RSRC1: variants seen among roughly 807,000 people sequenced by gnomAD.
RSRC1 encodes the protein serine/Arginine-related protein 53.
RSRC1 carries 39 observed loss-of-function variants against 49.1 expected under a neutral mutation model. The ratio of observed to expected loss-of-function variants is 0.79; its 90% CI spans 0.61 to 1.04. The LOEUF is 1.04. RSRC1 is among the 50% of genes least tolerant of loss of function. RSRC1 has a pLI of 0.00. For missense variants in RSRC1, 388 were observed against 402.4 expected, an observed-to-expected ratio of 0.96 and a Z score of 0.31; for synonymous variants, 143 against 130.8, an observed-to-expected ratio of 1.09 and a Z score of -0.63.
At chr3:158,326,227 C>T (rs1447800046) in intron 5 of RSRC1, among the ~76,000 whole-genome samples, 5 of 152,308 alleles carry the variant, frequency 3.3e-5, no homozygotes, top group Admixed American at 2.0e-4. Context: ...TTATTCCTTT[C>T]TCCTGCCTGA....
intron 5 of RSRC1, among the ~76,000 whole-genome samples, chr3:158,299,116 A>T (rs1727390979): frequency 6.6e-6 from 1 of 152,146 alleles, no homozygotes; most frequent in Non-Finnish European, 1.5e-5. Flanking sequence ...ATCAGAAGTT[A>T]GTAAATAACA....
chr3:158,262,564 C>T (rs1724961861), intron 4 of RSRC1, among the ~76,000 whole-genome samples: 1 of 152,110 alleles, frequency 6.6e-6, no homozygotes, highest in Non-Finnish European at 1.5e-5. Context: ...TATTACTACA[C>T]AAATTTTATA....
intron 4 of RSRC1, among the ~76,000 whole-genome samples, chr3:158,213,701 A>G (rs896103440): frequency 2.6e-5 from 4 of 151,948 alleles, no homozygotes; most frequent in Admixed American, 6.6e-5. Flanking sequence ...ATGAAAATCA[A>G]TTTGGTTGTC....
intron 7 of RSRC1, among the ~76,000 whole-genome samples, chr3:158,497,296 G>A (rs1171934549): frequency 6.8e-6 from 1 of 145,992 alleles, no homozygotes; most frequent in Non-Finnish European, 1.5e-5. Flanking sequence ...GTGGTATTTC[G>A]TTACATGAGT....
At chr3:158,538,466 A>G (rs1412290067) in intron 8 of RSRC1, among the ~76,000 whole-genome samples, 1 of 151,828 alleles carries the variant, frequency 6.6e-6, no homozygotes, top group Non-Finnish European at 1.5e-5. Flanking sequence ...ATATATCCTA[A>G]TGGAATTACT....
At chr3:158,157,795 A>T (rs535341747) in intron 3 of RSRC1, among the ~76,000 whole-genome samples, 2 of 152,200 alleles carry the variant, frequency 1.3e-5, no homozygotes, top group South Asian at 4.1e-4. Flanking sequence ...CATGCCTGTA[A>T]TCCCAGCTAC....
At chr3:158,276,032 C>T in intron 4 of RSRC1, 1 of 840,924 alleles carries the variant, frequency 1.2e-6, no homozygotes, top group Non-Finnish European at 2.0e-6. Context: ...AGGATAGCCT[C>T]AAAAAATTTC....
At chr3:158,259,914 A>T (rs1346383193) in intron 4 of RSRC1, among the ~76,000 whole-genome samples, 1 of 151,974 alleles carries the variant, frequency 6.6e-6, no homozygotes, top group Non-Finnish European at 1.5e-5. Flanking sequence ...CCCAAGGTTA[A>T]GGGGTTCTTT....
At chr3:158,239,939 T>C (rs1016254731) in intron 4 of RSRC1, among the ~76,000 whole-genome samples, 1 of 152,208 alleles carries the variant, frequency 6.6e-6, no homozygotes, top group Non-Finnish European at 1.5e-5. Context: ...TCTAAAAAGC[T>C]TGAATTAGCT....
At chr3:158,149,685 A>T (rs1717401020) in intron 3 of RSRC1, among the ~76,000 whole-genome samples, 1 of 152,184 alleles carries the variant, frequency 6.6e-6, no homozygotes, top group South Asian at 2.1e-4. Flanking sequence ...ATTTCCTTAA[A>T]CATTATACCT....
At chr3:158,487,949 G>GGAAAAAA (rs1553814781) in intron 7 of RSRC1, among the ~76,000 whole-genome samples, 680 of 28,882 alleles carry the variant, frequency 0.024, 100 homozygotes, top group East Asian at 0.064. Context: ...TCCATCTCAA[G>GGAAAAAA]AAAAAAAAAA....
intron 4 of RSRC1, among the ~76,000 whole-genome samples, chr3:158,271,420 G>A (rs1236446616): frequency 1.3e-5 from 2 of 152,080 alleles, no homozygotes; most frequent in African/African-American, 4.8e-5. Context: ...GGATGGATTT[G>A]ATGGATACAG....
chr3:158,426,811 T>A (rs551269403), intron 6 of RSRC1, among the ~76,000 whole-genome samples: 1 of 151,648 alleles, frequency 6.6e-6, no homozygotes, highest in African/African-American at 2.4e-5. Flanking sequence ...TCTAAAAAAA[T>A]TGTGTTTAAA....
rs117111238 is a variant in RSRC1, at chr3:158,504,368, G to C, written c.653-32724G>C. Among the ~76,000 whole-genome samples, 632 of 152,304 alleles carry C rather than the reference G, an allele frequency of 4.1e-3. 2 individuals are homozygous for C. Among genetic ancestry groups the C allele is most frequent in the Admixed American group, 6.3e-3 (97 of 15,296 alleles). On this transcript the variant is annotated intron_variant, in intron 7 of 9. Transcript: ENST00000611884. ...GTGATGCTGTCTGTCCATCCAGGTCGGAGCTGCAGTCTAGTCCTGCTTCCC... is the reference window on the plus strand; with the variant it reads ...GTGATGCTGTCTGTCCATCCAGGTCCGAGCTGCAGTCTAGTCCTGCTTCCC...
chr3:158,198,038 G>C (rs1409153307), intron 3 of RSRC1, among the ~76,000 whole-genome samples: 1 of 152,050 alleles, frequency 6.6e-6, no homozygotes, highest in African/African-American at 2.4e-5. Flanking sequence ...TCAATTCCTG[G>C]ATATGCTTGT....
At position 158,177,608 on chromosome 3, in the gene RSRC1, G is replaced by C. The variant is rs375626407; in HGVS notation, c.321-25464G>C. ...TTGAACAATGAGAACACTTGGACACGGGGGCGGGGGAACATCACACACCAG... is the reference window on the plus strand; with the variant it reads ...TTGAACAATGAGAACACTTGGACACCGGGGCGGGGGAACATCACACACCAG... On this transcript the variant is annotated intron_variant, in intron 3 of 9. Transcript: ENST00000611884. Among the ~76,000 whole-genome samples, 10 of 151,948 alleles carry C rather than the reference G, an allele frequency of 6.6e-5. No homozygotes were observed. The East Asian group carries it at 1.7e-3, about 27-fold the overall frequency.
At chr3:158,305,370 T>C (rs776273541) in intron 5 of RSRC1, among the ~76,000 whole-genome samples, 3 of 152,150 alleles carry the variant, frequency 2.0e-5, no homozygotes, top group Non-Finnish European at 4.4e-5. Context: ...TAAAGCTTTT[T>C]AAAGTAAAAC....
chr3:158,140,749 C>T (rs1021333094), intron 3 of RSRC1, among the ~76,000 whole-genome samples: 8 of 152,066 alleles, frequency 5.3e-5, no homozygotes, highest in East Asian at 3.9e-4. Context: ...CATTGTGCTA[C>T]GTGTACTACC....
chr3:158,506,340 G>A (rs1446652503), intron 7 of RSRC1, among the ~76,000 whole-genome samples: 1 of 152,162 alleles, frequency 6.6e-6, no homozygotes. Context: ...GAGAGGCCGA[G>A]ATGGGAGTAT....
Sources: allele counts gnomAD v4.1 joint callset (sites outside exome capture counted in the v4.1 genomes callset), GRCh38; gene constraint gnomAD v4.1.1; transcripts MANE v1.5; gene names NCBI Gene and HGNC (gene_info 2026-07-23, HGNC 2026-07-21).